The following LARGE1 variants were observed in gnomAD, a reference collection of about 807,000 sequenced individuals.
LARGE1 encodes the protein LARGE xylosyl- and glucuronyltransferase 1, also known as xylosyl- and glucuronyltransferase LARGE1.
Under a neutral mutation model 87.6 loss-of-function variants are expected in LARGE1, and 43 were observed. The ratio of observed to expected loss-of-function variants is 0.49; its 90% CI spans 0.38 to 0.63. The LOEUF (loss-of-function observed/expected upper bound fraction) is 0.63. Ranked by LOEUF, LARGE1 falls within the 30% of genes least tolerant of loss-of-function variation. The pLI is 0.00. For missense variants in LARGE1, 802 were observed against 1,000.2 expected (o/e 0.80, Z 2.67); for synonymous variants, 434 against 394.6 (o/e 1.10, Z -1.18).
intron 1 of LARGE1, among the ~76,000 whole-genome samples, chr22:33,912,939 T>C (rs2065680242): frequency 6.6e-6 from 1 of 152,046 alleles, no homozygotes; most frequent in Non-Finnish European, 1.5e-5. Flanking sequence ...CAAGTGACTC[T>C]CCTGCCTCAG....
At chr22:33,339,154 TAAAA>T (rs1182760420) in intron 9 of LARGE1, among the ~76,000 whole-genome samples, 9 of 98,998 alleles carry the variant, frequency 9.1e-5, no homozygotes, top group Middle Eastern at 0.013. Flanking sequence ...TCTCAAAAAA[TAAAA>T]AAAAAAAAAA....
At chr22:33,900,538 G>A (rs563130378) in intron 1 of LARGE1, among the ~76,000 whole-genome samples, 8 of 152,298 alleles carry the variant, frequency 5.3e-5, no homozygotes, top group Admixed American at 1.3e-4. Flanking sequence ...CATTAAAGGC[G>A]AGAACAGATG....
At chr22:33,196,287 C>T (rs1363706109) in intron 11 of LARGE1, among the ~76,000 whole-genome samples, 2 of 151,944 alleles carry the variant, frequency 1.3e-5, no homozygotes, top group Non-Finnish European at 2.9e-5. Flanking sequence ...CAAAAGAGTA[C>T]ATATAACATA....
At chr22:33,078,355 G>A in the LARGE1 span, among the ~76,000 whole-genome samples, 6 of 152,210 alleles carry the variant, frequency 3.9e-5, no homozygotes, top group Non-Finnish European at 7.3e-5. Flanking sequence ...GTACCAGGAA[G>A]CTCAGGCAGT....
At chr22:33,153,931 G>A in the LARGE1 span, among the ~76,000 whole-genome samples, 1 of 152,088 alleles carries the variant, frequency 6.6e-6, no homozygotes, top group African/African-American at 2.4e-5. Context: ...CTCTAAGTTT[G>A]GTTGTATTAC....
chr22:33,232,741 C>A (rs1257666481), intron 11 of LARGE1, among the ~76,000 whole-genome samples: 4 of 152,218 alleles, frequency 2.6e-5, no homozygotes, highest in Admixed American at 6.5e-5. Context: ...AGCATGGAAG[C>A]TGCAGATAAA....
intron 13 of LARGE1, among the ~76,000 whole-genome samples, chr22:33,278,839 C>G (rs1211824095): frequency 6.6e-6 from 1 of 152,194 alleles, no homozygotes. Context: ...CCTGCCTCAG[C>G]CTCCCAAGTG....
chr22:33,326,752 C>T (rs191403682), intron 10 of LARGE1, among the ~76,000 whole-genome samples: 25 of 152,158 alleles, frequency 1.6e-4, no homozygotes, highest in Admixed American at 2.6e-4. Context: ...AAGGGAGGGC[C>T]GAACACCTGG....
the LARGE1 span, among the ~76,000 whole-genome samples, chr22:33,080,892 C>G: frequency 5.9e-5 from 9 of 152,210 alleles, no homozygotes; most frequent in Admixed American, 5.9e-4. Flanking sequence ...TACAGGGATG[C>G]ACTCAAAAGT....
chr22:33,788,311 A>G (rs908871052), intron 1 of LARGE1, among the ~76,000 whole-genome samples: 41 of 152,302 alleles, frequency 2.7e-4, no homozygotes, highest in African/African-American at 8.2e-4. Flanking sequence ...TTGCCTTCCC[A>G]GCCATGTGGA....
intron 5 of LARGE1, among the ~76,000 whole-genome samples, chr22:33,579,100 T>C (rs761864649): frequency 7.9e-5 from 12 of 152,196 alleles, no homozygotes; most frequent in Non-Finnish European, 1.6e-4. Flanking sequence ...GTGTGTGATA[T>C]GGTTTGGCTG....
intron 2 of LARGE1, among the ~76,000 whole-genome samples, chr22:33,651,815 AAC>A (rs1327222677): frequency 6.6e-6 from 1 of 152,200 alleles, no homozygotes; most frequent in Admixed American, 6.5e-5. Context: ...TTCCCAGAAA[AAC>A]AGTTAACCAT....
At chr22:33,863,744 G>A (rs2064004053) in intron 1 of LARGE1, among the ~76,000 whole-genome samples, 1 of 151,028 alleles carries the variant, frequency 6.6e-6, no homozygotes, top group African/African-American at 2.4e-5. Flanking sequence ...CTCCAGCCTG[G>A]ATGACAGAGC....
chr22:33,170,932 G>T (rs1922537562), intron 11 of LARGE1, among the ~76,000 whole-genome samples: 2 of 152,300 alleles, frequency 1.3e-5, no homozygotes, highest in Middle Eastern at 6.8e-3. Context: ...GGGAAAGTTT[G>T]GAACTTCCTA....
At chr22:33,629,855 G>A (rs1464008793) in intron 3 of LARGE1, among the ~76,000 whole-genome samples, 1 of 152,058 alleles carries the variant, frequency 6.6e-6, no homozygotes, top group Non-Finnish European at 1.5e-5. Context: ...ATCATCTAAG[G>A]TCAAGAGTTC....
chr22:33,896,437 G>C (rs1480768687), intron 1 of LARGE1, among the ~76,000 whole-genome samples: 1 of 152,090 alleles, frequency 6.6e-6, no homozygotes, highest in Non-Finnish European at 1.5e-5. Flanking sequence ...AACTCTTTTG[G>C]GTATATACTC....
intron 1 of LARGE1, among the ~76,000 whole-genome samples, chr22:33,843,937 G>C (rs1251195228): frequency 6.6e-6 from 1 of 151,954 alleles, no homozygotes. Context: ...AAACTAGCTG[G>C]GCATGGTGGT....
In LARGE1 at chr22:33,182,148, A is replaced by T. The variant is rs571542418; in HGVS notation, c.1731-15316T>A. On this transcript the variant is annotated intron_variant, in intron 11 of 11. Transcript: ENST00000608642. ...GGTATATTACTTTTGACTAATTTGCAGTCAGTAACCAAATATTGAAACTAA... is the reference window on the plus strand; with the variant it reads ...GGTATATTACTTTTGACTAATTTGCTGTCAGTAACCAAATATTGAAACTAA... Among the ~76,000 whole-genome samples, 66 of 152,300 alleles carry T rather than the reference A, an allele frequency of 4.3e-4. 1 individual carries two copies. The highest frequency in any genetic ancestry group is 6.8e-3 in the Middle Eastern group (2 of 294).
intron 2 of LARGE1, among the ~76,000 whole-genome samples, chr22:33,723,399 T>C (rs2083168667): frequency 6.6e-6 from 1 of 152,120 alleles, no homozygotes; most frequent in Non-Finnish European, 1.5e-5. Context: ...GTGGGTGATG[T>C]ACAAAGAAAT....
Sources: allele counts gnomAD v4.1 joint callset (sites outside exome capture counted in the v4.1 genomes callset), GRCh38; gene constraint gnomAD v4.1.1; transcripts MANE v1.5; gene names NCBI Gene and HGNC (gene_info 2026-07-23, HGNC 2026-07-21).